PRSS38: variants seen among roughly 807,000 people sequenced by gnomAD.
The protein encoded by PRSS38 is marapsin 2.
A neutral mutation model predicts 26.8 loss-of-function variants in PRSS38; 22 were observed. That is an observed-to-expected ratio of 0.82 (90% CI 0.59 to 1.17). PRSS38 has a LOEUF of 1.17. Among genes scored for constraint, PRSS38 ranks in the 50% most tolerant of loss-of-function variants. The probability of loss-of-function intolerance (pLI) is 0.00; values close to 1 mark genes in which losing one functional copy is unlikely to be tolerated. For synonymous variants in PRSS38, 175 were observed against 172.1 expected (o/e 1.02, Z -0.13); for missense variants, 427 against 422.7 (o/e 1.01, Z -0.09).
At chr1:227,817,425 G>C in exon 3 of PRSS38, 1 of 1,614,146 alleles carries the variant, frequency 6.2e-7, no homozygotes, top group Non-Finnish European at 8.5e-7. Context: ...CTCCAGAAGT[G>C]AACCTTACCA....
chr1:227,820,199 T>C (rs973377480), intron 3 of PRSS38, among the ~76,000 whole-genome samples: 7 of 151,968 alleles, frequency 4.6e-5, no homozygotes, highest in Non-Finnish European at 8.8e-5. Context: ...TTTTGTTTTT[T>C]TTTTAAAGAT....
chr1:227,832,628 A>G (rs1021709833), intron 3 of PRSS38, among the ~76,000 whole-genome samples: 4 of 152,200 alleles, frequency 2.6e-5, no homozygotes, highest in Non-Finnish European at 5.9e-5. Context: ...CACCACTGGT[A>G]TTCCATATTA....
At chr1:227,821,448 T>C (rs548004119) in intron 3 of PRSS38, among the ~76,000 whole-genome samples, 79 of 152,352 alleles carry the variant, frequency 5.2e-4, no homozygotes, top group Non-Finnish European at 1.0e-3. Flanking sequence ...ATTTGTCATA[T>C]GGCTTTGACT....
chr1:227,819,429 C>G (rs922633821), intron 3 of PRSS38, among the ~76,000 whole-genome samples: 1 of 152,030 alleles, frequency 6.6e-6, no homozygotes. Flanking sequence ...ATTTGTTATT[C>G]GTTTCTCAAA....
rs370519907 is a variant in PRSS38 at position 227,829,344 on chromosome 1, C to T, written c.583+11864C>T. ...AATAATCATTCTGACTAGTGTGAGA[C>T]GGTATCTCACTGTGGTTTTGAATTT... On this transcript the variant is annotated intron_variant, in intron 3 of 4. Coordinates refer to ENST00000366757, the Ensembl canonical transcript of PRSS38. 3.0e-4 allele frequency among the ~76,000 whole-genome samples: 46 copies of T among 152,172 alleles called. No individual in the cohort carries two copies. The South Asian group carries it at 6.4e-3, about 21-fold the overall frequency.
intron 1 of PRSS38, 84 bp downstream of exon 1, chr1:227,815,948 C>A: frequency 8.6e-6 from 13 of 1,511,470 alleles, no homozygotes; most frequent in South Asian, 1.3e-5. Flanking sequence ...TCCCCCATGT[C>A]GCCTGCCCAT....
Position 227,845,881 on chromosome 1 carries a change from C to G in PRSS38, c.727-73C>G, listed in dbSNP as rs553435465. 1.1e-5 allele frequency: 17 copies of G among 1,576,700 alleles called. No homozygotes were observed. In the Admixed American group the frequency reaches 2.0e-4, roughly 19 times the overall value. ...GGGTCTGCACAGCCACCCCCTTGCA[C>G]CCTGGGGGACAGGTGCAGGAGGCGG... On this transcript the variant is annotated intron_variant, in intron 4 of 4. Coordinates refer to ENST00000366757, the Ensembl canonical transcript of PRSS38.
intron 3 of PRSS38, among the ~76,000 whole-genome samples, chr1:227,822,892 G>T (rs544994227): frequency 6.6e-6 from 1 of 152,036 alleles, no homozygotes; most frequent in Admixed American, 6.5e-5. Context: ...CAAGTACAGA[G>T]GTGCTTTTTC....
chr1:227,834,371 A>G (rs1411304442), intron 3 of PRSS38, among the ~76,000 whole-genome samples: 1 of 152,124 alleles, frequency 6.6e-6, no homozygotes, highest in African/African-American at 2.4e-5. Context: ...CAAAAACATG[A>G]GCATCAAAAT....
In PRSS38 at chr1:227,817,146, C is replaced by T. The variant is rs545181233; in HGVS notation, c.312-63C>T. On this transcript the variant is annotated intron_variant, in intron 2 of 4. Transcript: ENST00000366757. ...GCCAGCCCCTTGCGCTTGGCCTCCC[C>T]AGGCCTGTGGGCTGACCACACAGGA... The T allele has an allele frequency of 5.1e-6, 8 of 1,557,764 alleles. No homozygotes were observed. The East Asian group carries it at 6.8e-5, about 13-fold the overall frequency.
At chr1:227,818,655 G>A (rs79227474) in intron 3 of PRSS38, among the ~76,000 whole-genome samples, 14,149 of 127,160 alleles carry the variant, frequency 0.11, 1,007 homozygotes, top group African/African-American at 0.23. Flanking sequence ...CAAAGCCTGG[G>A]CAACAGTGAG....
chr1:227,831,794 G>C (rs1665157041), intron 3 of PRSS38, among the ~76,000 whole-genome samples: 1 of 152,124 alleles, frequency 6.6e-6, no homozygotes, highest in Non-Finnish European at 1.5e-5. Flanking sequence ...AGAGGTTGCA[G>C]TGAGCCAAGA....
intron 3 of PRSS38, among the ~76,000 whole-genome samples, chr1:227,828,559 A>G (rs1354630301): frequency 6.6e-6 from 1 of 152,150 alleles, no homozygotes; most frequent in Admixed American, 6.5e-5. Context: ...CTTAAGAAGG[A>G]CCAATTCCCC....
At chr1:227,819,153 C>A (rs989386773) in intron 3 of PRSS38, among the ~76,000 whole-genome samples, 65 of 152,208 alleles carry the variant, frequency 4.3e-4, no homozygotes, top group African/African-American at 1.5e-3. Flanking sequence ...TTATATAAAA[C>A]TACCTGCTAC....
chr1:227,839,506 C>T (rs909869628), intron 3 of PRSS38, among the ~76,000 whole-genome samples: 2 of 148,330 alleles, frequency 1.3e-5, no homozygotes, highest in African/African-American at 5.0e-5. Flanking sequence ...AGGACCCTGT[C>T]TCAAGGAAAA....
intron 3 of PRSS38, among the ~76,000 whole-genome samples, chr1:227,820,109 A>G (rs1340368652): frequency 1.3e-5 from 2 of 150,812 alleles, no homozygotes; most frequent in African/African-American, 4.9e-5. Context: ...AAAAAAAAAA[A>G]AAAAGCAACA....
At chr1:227,833,996 T>A (rs956081156) in intron 3 of PRSS38, among the ~76,000 whole-genome samples, 9 of 152,106 alleles carry the variant, frequency 5.9e-5, no homozygotes, top group Admixed American at 1.3e-4. Context: ...TGGGGCCTTG[T>A]CCAATATGAC....
intron 3 of PRSS38, 115 bp from the exon 4 acceptor site, chr1:227,845,355 C>T (rs563431726): frequency 5.7e-5 from 39 of 688,662 alleles, no homozygotes; most frequent in East Asian, 4.6e-4. Context: ...CTCCTTCCTA[C>T]GTATAGTGGG....
At chr1:227,832,374 C>G (rs115044789) in intron 3 of PRSS38, among the ~76,000 whole-genome samples, 6,614 of 152,208 alleles carry the variant, frequency 0.043, 383 homozygotes, top group African/African-American at 0.13. Context: ...TCTCTTTCCT[C>G]TATTCATTTT....
Sources: gnomAD v4.1 joint callset for allele counts (sites outside exome capture counted in the v4.1 genomes callset) on GRCh38, gnomAD v4.1.1 for gene constraint, MANE v1.5 for transcripts, NCBI Gene and HGNC (gene_info 2026-07-23, HGNC 2026-07-21) for gene names.